Variants in DPP6 observed in about 807,000 individuals in gnomAD.
DPP6 encodes the protein dipeptidyl peptidase like 6.
In DPP6, 69 loss-of-function variants were observed where a neutral mutation model predicts 122.6. The observed-to-expected ratio is 0.56, with a 90% CI of 0.46 to 0.69. The LOEUF (loss-of-function observed/expected upper bound fraction) is 0.69. Ranked by LOEUF, DPP6 falls within the 30% of genes least tolerant of loss-of-function variation. The probability of loss-of-function intolerance (pLI) is 0.00; values close to 1 mark genes in which losing one functional copy is unlikely to be tolerated. For missense variants in DPP6, 928 were observed against 1,116.9 expected (o/e 0.83, Z 2.41); for synonymous variants, 418 against 433.1 (o/e 0.97, Z 0.43).
chr7:154,570,174 G>T (rs780314010), intron 5 of DPP6, among the ~76,000 whole-genome samples: 1 of 151,846 alleles, frequency 6.6e-6, no homozygotes, highest in South Asian at 2.1e-4. Flanking sequence ...GCACAGCATG[G>T]GTGGTAAGAG....
At chr7:154,144,774 T>C (rs1796009826) in intron 1 of DPP6, among the ~76,000 whole-genome samples, 1 of 151,900 alleles carries the variant, frequency 6.6e-6, no homozygotes, top group South Asian at 2.1e-4. Context: ...ACTGACATCC[T>C]TATAAGAAGA....
the DPP6 span, among the ~76,000 whole-genome samples, chr7:153,881,123 C>T: frequency 6.6e-5 from 10 of 152,270 alleles, no homozygotes; most frequent in South Asian, 2.1e-3. Flanking sequence ...TTTATTGCTT[C>T]GTTTGTTCGA....
the DPP6 span, among the ~76,000 whole-genome samples, chr7:153,813,767 T>C: frequency 2.0e-5 from 3 of 151,784 alleles, no homozygotes; most frequent in East Asian, 3.9e-4. Context: ...TGCATTTCTC[T>C]GATGGCCAGT....
intron 1 of DPP6, among the ~76,000 whole-genome samples, chr7:154,209,225 A>G (rs893229505): frequency 2.0e-5 from 3 of 152,032 alleles, no homozygotes; most frequent in Non-Finnish European, 4.4e-5. Flanking sequence ...CGTGAAAAAA[A>G]CGTGTGTCAT....
In DPP6 at chr7:154,893,092, A is replaced by C; in HGVS notation, c.*612A>C. 2.5e-6 allele frequency: 1 copy of C among 398,756 alleles called. No individual in the cohort carries two copies. The highest frequency in any genetic ancestry group is 1.9e-5 in the South Asian group (1 of 52,892). The allele number at this position is 398,756 out of a possible 1,614,324, so 24.7% of individuals were successfully genotyped here. On this transcript the variant is annotated 3_prime_UTR_variant, in exon 26 of 26. Coordinates refer to ENST00000377770, the MANE Select transcript of DPP6 (RefSeq NM_130797.4). ...TGATAGAATTAACTCGTATTTTTCT[A>C]TGGTTTTAACCTGATGCTCCACTGT...
intron 1 of DPP6, among the ~76,000 whole-genome samples, chr7:154,032,549 T>C (rs1433438487): frequency 6.6e-6 from 1 of 152,172 alleles, no homozygotes; most frequent in Admixed American, 6.5e-5. Context: ...AAAATCTAAC[T>C]CCTGTGTTTT....
chr7:154,469,685 C>T (rs548541464), intron 2 of DPP6, among the ~76,000 whole-genome samples: 18 of 152,216 alleles, frequency 1.2e-4, no homozygotes, highest in South Asian at 2.1e-4. Flanking sequence ...AAGAATCTAC[C>T]GAGGAAATAG....
intron 8 of DPP6, among the ~76,000 whole-genome samples, chr7:154,741,951 C>T (rs1464246583): frequency 6.6e-6 from 1 of 152,224 alleles, no homozygotes; most frequent in Admixed American, 6.5e-5. Flanking sequence ...TTCATCTCTT[C>T]AAGAAGATAT....
chr7:154,489,995 GA>G (rs1272454791), intron 3 of DPP6, among the ~76,000 whole-genome samples: 1 of 152,202 alleles, frequency 6.6e-6, no homozygotes, highest in Non-Finnish European at 1.5e-5. Flanking sequence ...CCAAAGAAGG[GA>G]AAGATGGAAT....
At chr7:154,166,213 G>A (rs1427832301) in intron 1 of DPP6, among the ~76,000 whole-genome samples, 1 of 152,110 alleles carries the variant, frequency 6.6e-6, no homozygotes, top group Admixed American at 6.5e-5. Context: ...GCTCCATGAA[G>A]CAGCTCCTTA....
At position 154,853,806 on chromosome 7, in the gene DPP6, C is replaced by T. The variant is rs761312315; in HGVS notation, c.1693C>T (p.His565Tyr). 6.2e-7 allele frequency: 1 copy of T among 1,613,878 alleles called. No individual in the cohort carries two copies. Among genetic ancestry groups the T allele is most frequent in the South Asian group, 1.1e-5 (1 of 91,072 alleles). Reference protein sequence around the residue: ...EGPGVPMVTVHNTTDKKKMFD... With the variant: ...EGPGVPMVTVYNTTDKKKMFD... Reference sequence around the variant, plus strand: ...TCCTGGTGTTCCTATGGTGACGGTGCACAACACAACAGATAAGAAAAGTAA... The same window carrying T: ...TCCTGGTGTTCCTATGGTGACGGTGTACAACACAACAGATAAGAAAAGTAA... Residue 565 changes from histidine (H) to tyrosine (Y), a missense_variant, in exon 17 of 26, where the codon CAC becomes TAC. Physicochemically the swap from His to Tyr is moderately conservative, Grantham distance 83. Transcript: ENST00000377770.
intron 1 of DPP6, among the ~76,000 whole-genome samples, chr7:154,071,566 T>C (rs2150509460): frequency 6.6e-6 from 1 of 152,274 alleles, no homozygotes; most frequent in East Asian, 1.9e-4. Flanking sequence ...TACGGAAAAG[T>C]GGAGGGAATT....
chr7:154,177,370 AT>A (rs1319936972), intron 1 of DPP6, among the ~76,000 whole-genome samples: 2 of 152,228 alleles, frequency 1.3e-5, no homozygotes, highest in Non-Finnish European at 2.9e-5. Context: ...CTAAAGAGAC[AT>A]ATGACTGTAA....
At chr7:154,801,551 T>G in intron 13 of DPP6, 89 bp downstream of exon 13, 1 of 1,449,646 alleles carries the variant, frequency 6.9e-7, no homozygotes, top group Non-Finnish European at 9.1e-7. Context: ...CACACTTGCG[T>G]TTTCGAGGAC....
intron 7 of DPP6, among the ~76,000 whole-genome samples, chr7:154,710,960 T>A (rs1381634422): frequency 6.6e-6 from 1 of 152,252 alleles, no homozygotes; most frequent in Non-Finnish European, 1.5e-5. Flanking sequence ...CAACAGGATC[T>A]TTCACTTTTA....
chr7:154,130,973 A>G (rs1795246040), intron 1 of DPP6, among the ~76,000 whole-genome samples: 1 of 152,158 alleles, frequency 6.6e-6, no homozygotes, highest in Admixed American at 6.5e-5. Flanking sequence ...GTGAGAGTCA[A>G]CATGAACATA....
chr7:153,773,708 C>A, the DPP6 span, among the ~76,000 whole-genome samples: 1 of 151,172 alleles, frequency 6.6e-6, no homozygotes, highest in East Asian at 1.9e-4. Context: ...CAAAGCCATG[C>A]TTAGAAGAAA....
rs569887482 is a variant in DPP6, at chr7:154,676,557, A to T, written c.762+7116A>T. Among the ~76,000 whole-genome samples the T allele has an allele frequency of 2.6e-4, 40 of 152,332 alleles. 1 individual carries two copies. The highest frequency in any genetic ancestry group is 2.5e-3 in the Admixed American group (39 of 15,304). On this transcript the variant is annotated intron_variant, in intron 7 of 25. Coordinates refer to ENST00000377770, the MANE Select transcript of DPP6 (RefSeq NM_130797.4). ...TACACAGGCGTTCCCTGACTGACTC[A>T]CACAGACACTGTACCCACACCCTGC... is the stretch of plus-strand genomic sequence containing the variant.
At chr7:153,979,049 A>C (rs1796448415) in intron 1 of DPP6, among the ~76,000 whole-genome samples, 1 of 151,962 alleles carries the variant, frequency 6.6e-6, no homozygotes, top group Non-Finnish European at 1.5e-5. Flanking sequence ...TTCCATATGA[A>C]ATTTAAAGTA....
Sources: allele counts gnomAD v4.1 joint callset (sites outside exome capture counted in the v4.1 genomes callset), GRCh38; gene constraint gnomAD v4.1.1; transcripts MANE v1.5; gene names NCBI Gene and HGNC (gene_info 2026-07-23, HGNC 2026-07-21).